The following NEURL1B variants were observed in gnomAD, a reference collection of about 807,000 sequenced individuals.
NEURL1B encodes the protein E3 ubiquitin-protein ligase NEURL1B.
NEURL1B carries 13 observed loss-of-function variants against 37.4 expected under a neutral mutation model. The ratio of observed to expected loss-of-function variants is 0.35; its 90% CI spans 0.23 to 0.55. The LOEUF (loss-of-function observed/expected upper bound fraction) is 0.55. NEURL1B is among the 20% of genes least tolerant of loss of function. The pLI is 0.89. For synonymous variants in NEURL1B, 432 were observed against 426.6 expected (o/e 1.01, Z -0.16); for missense variants, 790 against 879.2 (o/e 0.90, Z 1.28).
chr5:172,659,063 A>G (rs1757848493), intron 1 of NEURL1B, among the ~76,000 whole-genome samples: 1 of 93,482 alleles, frequency 1.1e-5, no homozygotes, highest in Non-Finnish European at 2.0e-5. Flanking sequence ...TTCCTTCCTG[A>G]GACCAAGCCA....
intron 1 of NEURL1B, among the ~76,000 whole-genome samples, chr5:172,664,790 T>C (rs1278453355): frequency 1.3e-5 from 2 of 152,230 alleles, no homozygotes; most frequent in Non-Finnish European, 2.9e-5. Context: ...TTTTTAACTC[T>C]AGTTTTCTTT....
chr5:172,681,839 CAA>C (rs1446751776), intron 2 of NEURL1B, among the ~76,000 whole-genome samples: 1 of 152,212 alleles, frequency 6.6e-6, no homozygotes, highest in Admixed American at 6.5e-5. Context: ...TAACATTTAA[CAA>C]AATCTTGGCT....
At chr5:172,680,019 A>G (rs1399344485) in intron 2 of NEURL1B, among the ~76,000 whole-genome samples, 1 of 151,850 alleles carries the variant, frequency 6.6e-6, no homozygotes, top group Non-Finnish European at 1.5e-5. Flanking sequence ...TTTATCTCCC[A>G]CTTGAAAGGG....
rs751968068 is a variant in NEURL1B, at chr5:172,683,525, G to A, written c.684G>A (p.Glu228=). The A allele has an allele frequency of 7.3e-6, 11 of 1,499,834 alleles. No individual in the cohort carries two copies. The highest frequency in any genetic ancestry group is 3.7e-5 in the South Asian group (3 of 80,376). 92.9% of individuals were successfully genotyped at this position (1,499,834 alleles called of 1,614,324 possible). The change falls in exon 3 of 5, where the codon GAG becomes GAA. Residue 228 remains glutamate (E), a synonymous_variant. Transcript: ENST00000369800. The surrounding 1 kb of genome is among the most constrained non-coding windows in gnomAD (Gnocchi z 5.6). ...SHDAANFDNN[E]LENNQVVAKL... is the part of the protein sequence containing the mutation. ...ACGCGGCCAACTTCGACAACAACGA[G>A]CTCGAGAACAACCAGGTGGTGGCCA...
chr5:172,668,340 T>C lies in NEURL1B; in HGVS notation c.32-1445T>C, dbSNP rs148086526. Among the ~76,000 whole-genome samples the C allele has an allele frequency of 2.6e-5, 4 of 152,322 alleles. No individual in the cohort carries two copies. The East Asian group carries it at 7.7e-4, about 29-fold the overall frequency. ...CCTTTCTAATGTGGAACCTTGGCTT[T>C]TTTATTCCTTATATTTTGTCTTCTG... On this transcript the variant is annotated intron_variant, in intron 1 of 4. Coordinates refer to ENST00000369800, the MANE Select transcript of NEURL1B (RefSeq NM_001142651.3).
At chr5:172,642,666 T>C (rs968705367) in intron 1 of NEURL1B, among the ~76,000 whole-genome samples, 1 of 152,226 alleles carries the variant, frequency 6.6e-6, no homozygotes, top group African/African-American at 2.4e-5. Context: ...GGTCAGCTTA[T>C]GGAAGAGGAG....
In NEURL1B at chr5:172,641,954, G is replaced by A. The variant is rs1254766397; in HGVS notation, c.31+517G>A. Among the ~76,000 whole-genome samples, 1 of 152,176 alleles carries A rather than the reference G, an allele frequency of 6.6e-6. No homozygotes were observed. The highest frequency in any genetic ancestry group is 1.5e-5 in the Non-Finnish European group (1 of 68,024). On this transcript the variant is annotated intron_variant, in intron 1 of 4. Coordinates refer to ENST00000369800, the MANE Select transcript of NEURL1B (RefSeq NM_001142651.3). This position sits in a 1 kb window ranked among gnomAD's most constrained non-coding sequence, Gnocchi z 6.4. Reference sequence around the variant, plus strand: ...TTGGCCACGTTCCCACGCGCACCCCGGTTGCGCCCCCCTCTGGTGTCCGCT... The same window carrying A: ...TTGGCCACGTTCCCACGCGCACCCCAGTTGCGCCCCCCTCTGGTGTCCGCT...
In NEURL1B at chr5:172,647,545, C is replaced by G. The variant is rs1011360789; in HGVS notation, c.31+6108C>G. ...CCTCCATCCCACGGGGCACTGCACC[C>G]TGGGGCCTCTTGCGGCTCCTCTTGC... On this transcript the variant is annotated intron_variant, in intron 1 of 4. Coordinates refer to ENST00000369800, the MANE Select transcript of NEURL1B (RefSeq NM_001142651.3). The surrounding 1 kb of genome is among the most constrained non-coding windows in gnomAD (Gnocchi z 4.2). 2.6e-5 allele frequency among the ~76,000 whole-genome samples: 4 copies of G among 152,140 alleles called. No homozygotes were observed. Among genetic ancestry groups the G allele is most frequent in the African/African-American group, 9.7e-5 (4 of 41,416 alleles).
rs544672757 is a variant in NEURL1B, at chr5:172,682,409, T to C, written c.578-1010T>C. 2.0e-5 allele frequency among the ~76,000 whole-genome samples: 3 copies of C among 152,300 alleles called. No individual in the cohort carries two copies. In the South Asian group the frequency reaches 6.2e-4, roughly 32 times the overall value. On this transcript the variant is annotated intron_variant, in intron 2 of 4. Transcript: ENST00000369800. The stretch of plus-strand genomic sequence containing the variant: ...GGCCAACATGGCAAAGCTCCGTCTC[T>C]ACTAAAAATACAAAAATTAAGCCGG...
chr5:172,687,265 G>GGAGA lies in NEURL1B; in HGVS notation c.*341_*342insAGAG. 4.8e-6 allele frequency: 1 copy of GGAGA among 209,068 alleles called. No homozygotes were observed. 13.0% of individuals were successfully genotyped at this position (209,068 alleles called of 1,614,324 possible). A position where few individuals can be genotyped will look rare whatever the true frequency, so the allele number is the denominator to read the frequency against. On this transcript the variant is annotated 3_prime_UTR_variant, in exon 5 of 5. Transcript: ENST00000369800. The stretch of plus-strand genomic sequence containing the variant: ...TTGGGTTGAGTGTGAGAGAAGGGGA[G>GGAGA]GGGAGGGAGGGAGAACAGAGAGAAT...
intron 3 of NEURL1B, 71 bp downstream of exon 3, chr5:172,684,209 T>C (rs1581440625): frequency 1.4e-5 from 15 of 1,072,964 alleles, no homozygotes; most frequent in Admixed American, 6.2e-5. Context: ...CCCGCTGCGC[T>C]CTTCCCCGGC....
At position 172,686,749 on chromosome 5, in the gene NEURL1B, A is replaced by C. The variant is rs1307944112; in HGVS notation, c.1492A>C (p.Ile498Leu). The change falls in exon 5 of 5, where the codon ATC (isoleucine) becomes CTC (leucine). Residue 498 changes from isoleucine to leucine, a missense_variant. Ile to Leu is a conservative substitution (Grantham distance 5). This residue lies in a region of NEURL1B where 115 missense variants were observed against 162.6 expected (regional missense o/e 0.71). Transcript: ENST00000369800. The surrounding 1 kb of genome is among the most constrained non-coding windows in gnomAD (Gnocchi z 7.9). ...PVFSPPEPAG[I>L]KNGECTVCFD... The stretch of plus-strand genomic sequence containing the variant: ...GTTCTCCCCACCGGAGCCGGCAGGC[A>C]TCAAGAATGGCGAGTGCACGGTGTG... 5.2e-6 allele frequency: 8 copies of C among 1,551,506 alleles called. No individual in the cohort carries two copies. The East Asian group carries it at 2.0e-4, about 38-fold the overall frequency.
At chr5:172,656,276 G>C (rs7703578) in intron 1 of NEURL1B, among the ~76,000 whole-genome samples, 1 of 152,186 alleles carries the variant, frequency 6.6e-6, no homozygotes, top group East Asian at 1.9e-4. Context: ...AATTAGAGTG[G>C]AGCGGGTGAT....
intron 3 of NEURL1B, among the ~76,000 whole-genome samples, chr5:172,684,356 G>T (rs1162695168): frequency 6.6e-6 from 1 of 152,088 alleles, no homozygotes; most frequent in Non-Finnish European, 1.5e-5. Flanking sequence ...TGCACGGTGC[G>T]CCCCGAGAAC....
intron 1 of NEURL1B, among the ~76,000 whole-genome samples, chr5:172,645,902 C>A (rs1392162888): frequency 1.3e-5 from 2 of 152,166 alleles, no homozygotes; most frequent in Non-Finnish European, 2.9e-5. Context: ...GGCCACCAGA[C>A]CATGTGGTCT....
At chr5:172,656,790 C>A (rs1479795322) in intron 1 of NEURL1B, 1 of 686,620 alleles carries the variant, frequency 1.5e-6, no homozygotes, top group Non-Finnish European at 2.6e-6. Context: ...CATATTAATT[C>A]TTTGAAAATA....
chr5:172,660,704 G>A (rs1266914694), intron 1 of NEURL1B, among the ~76,000 whole-genome samples: 5 of 152,030 alleles, frequency 3.3e-5, no homozygotes, highest in Non-Finnish European at 1.5e-5. Context: ...GCAGTGGTGC[G>A]ATCTCAGCAC....
At chr5:172,645,781 T>C (rs1296305526) in intron 1 of NEURL1B, among the ~76,000 whole-genome samples, 1 of 152,026 alleles carries the variant, frequency 6.6e-6, no homozygotes, top group East Asian at 1.9e-4. Context: ...GGGGCCAACA[T>C]GCTGTAACAG....
At chr5:172,666,510 C>T (rs1561646745) in intron 1 of NEURL1B, among the ~76,000 whole-genome samples, 3 of 152,272 alleles carry the variant, frequency 2.0e-5, no homozygotes, top group African/African-American at 7.2e-5. Flanking sequence ...CAGAAGAGGG[C>T]GCCCCTAGCC....
Sources: gnomAD v4.1 joint callset for allele counts (sites outside exome capture counted in the v4.1 genomes callset) on GRCh38, gnomAD v4.1.1 for gene constraint, gnomAD v4.1.1 regional missense constraint, Gnocchi (gnomAD v3.1) non-coding constraint, MANE v1.5 for transcripts, NCBI Gene and HGNC (gene_info 2026-07-23, HGNC 2026-07-21) for gene names.